Variants in WIPI1 observed in about 807,000 individuals in gnomAD.
WIPI1 encodes WD repeat domain phosphoinositide-interacting protein 1.
A neutral mutation model predicts 55.3 loss-of-function variants in WIPI1; 45 were observed. The observed-to-expected ratio is 0.81, with a 90% CI of 0.64 to 1.04. The LOEUF is 1.04. Among genes scored for constraint, WIPI1 ranks in the 50% least tolerant of loss-of-function variants. The pLI is 0.00. For missense variants in WIPI1, 445 were observed against 559.0 expected (o/e 0.80, Z 2.06); for synonymous variants, 195 against 217.6 (o/e 0.90, Z 0.92).
chr17:68,445,077 C>T (rs2084231129), intron 3 of WIPI1, among the ~76,000 whole-genome samples: 1 of 152,092 alleles, frequency 6.6e-6, no homozygotes, highest in African/African-American at 2.4e-5. Context: ...TGCACCACCA[C>T]ACCTGGCTAA....
At chr17:68,451,555 CT>C (rs1322464305) in intron 2 of WIPI1, among the ~76,000 whole-genome samples, 1 of 152,246 alleles carries the variant, frequency 6.6e-6, no homozygotes, top group African/African-American at 2.4e-5. Flanking sequence ...ACTGTTTGCT[CT>C]GTCAAACATG....
At position 68,429,905 on chromosome 17, in the gene WIPI1, T is replaced by C. The variant is rs1373563573; in HGVS notation, c.965+91A>G. 1.9e-6 allele frequency: 3 copies of C among 1,583,730 alleles called. No homozygotes were observed. The African/African-American group carries it at 4.1e-5, about 22-fold the overall frequency. ...TGCCCAGCCTGGGGCAAGTTTTCTT[T>C]TTTTCTTTTCAGGTTTGGGGATTTT... On this transcript the variant is annotated intron_variant, in intron 9 of 12. Transcript: ENST00000262139.
chr17:68,449,881 C>T (rs757520004), intron 3 of WIPI1, among the ~76,000 whole-genome samples: 8 of 152,104 alleles, frequency 5.3e-5, no homozygotes, highest in Non-Finnish European at 1.2e-4. Context: ...CGTGGTGGTG[C>T]CCACCTGTAG....
chr17:68,449,184 G>C (rs1057302220), intron 3 of WIPI1, among the ~76,000 whole-genome samples: 3 of 152,224 alleles, frequency 2.0e-5, no homozygotes, highest in Non-Finnish European at 4.4e-5. Context: ...TAATTGAATA[G>C]ATAAATCTGC....
At chr17:68,426,261 T>TAA (rs963018289) in intron 11 of WIPI1, 86 bp from the exon 12 acceptor site, 1 of 934,766 alleles carries the variant, frequency 1.1e-6, no homozygotes, top group African/African-American at 1.7e-5. Context: ...GGGGCTCAAA[T>TAA]AAAGGGCAAA....
intron 11 of WIPI1, 79 bp from the exon 12 acceptor site, chr17:68,426,254 G>GGGGCCCCC: frequency 1.2e-6 from 1 of 816,920 alleles, no homozygotes; most frequent in Non-Finnish European, 1.9e-6. Flanking sequence ...GGGAGCGGGG[G>GGGGCCCCC]CTCAAATAAA....
At chr17:68,442,255 G>T (rs1023251779) in intron 4 of WIPI1, among the ~76,000 whole-genome samples, 1 of 152,120 alleles carries the variant, frequency 6.6e-6, no homozygotes. Flanking sequence ...CTTGAGGACA[G>T]GAGTTCAAGA....
At chr17:68,457,193 T>G in intron 1 of WIPI1, 149 bp downstream of exon 1, 1 of 899,972 alleles carries the variant, frequency 1.1e-6, no homozygotes, top group Non-Finnish European at 1.6e-6. Flanking sequence ...GGTACGGGGA[T>G]AACAAGATCC....
At chr17:68,451,907 C>T (rs2084514887) in intron 2 of WIPI1, among the ~76,000 whole-genome samples, 1 of 152,178 alleles carries the variant, frequency 6.6e-6, no homozygotes. Context: ...GCCTTTCTTC[C>T]ACTTGGAAAA....
chr17:68,446,207 G>T (rs563117276), intron 3 of WIPI1, among the ~76,000 whole-genome samples: 8 of 151,626 alleles, frequency 5.3e-5, no homozygotes, highest in South Asian at 2.1e-4. Context: ...TTCAGACAGG[G>T]TCTCGTTCTG....
chr17:68,433,398 A>C lies in WIPI1; in HGVS notation c.800+70T>G, dbSNP rs1317696507. The C allele has an allele frequency of 7.5e-6, 10 of 1,329,694 alleles. No individual in the cohort carries two copies. The Admixed American group carries it at 1.7e-4, about 23-fold the overall frequency. The allele number at this position is 1,329,694 out of a possible 1,614,324, so 82.4% of individuals were successfully genotyped here. The stretch of plus-strand genomic sequence containing the variant: ...TGTTCAGAAAGAAAAGAGATCATTC[A>C]TGCCAGTAGAAGAGCCTAGGCCTGA... On this transcript the variant is annotated intron_variant, in intron 8 of 12. Coordinates refer to ENST00000262139, the MANE Select transcript of WIPI1 (RefSeq NM_017983.7).
At chr17:68,426,224 AT>A (rs1412554277) in intron 11 of WIPI1, 49 bp from the exon 12 acceptor site, 2 of 1,041,798 alleles carry the variant, frequency 1.9e-6, no homozygotes, top group Non-Finnish European at 2.8e-6. Context: ...ATCTGCTTTT[AT>A]GCCATGACCT....
chr17:68,430,183 C>T (rs532730070), intron 8 of WIPI1, 23 bp from the exon 9 acceptor site: 25 of 1,600,712 alleles, frequency 1.6e-5, no homozygotes, highest in African/African-American at 1.1e-4. Context: ...GCACAGGCAA[C>T]GATGGGACTG....
intron 10 of WIPI1, 109 bp from the exon 11 acceptor site, chr17:68,427,362 T>C (rs2083266728): frequency 1.2e-6 from 1 of 822,704 alleles, no homozygotes; most frequent in Non-Finnish European, 1.9e-6. Flanking sequence ...CTGTGGGTTA[T>C]TTATTTATTT....
chr17:68,421,686 C>A lies in WIPI1; in HGVS notation c.*87G>T. 3 of 1,588,790 alleles carry A rather than the reference C, an allele frequency of 1.9e-6. No homozygotes were observed. The highest frequency in any genetic ancestry group is 2.6e-6 in the Non-Finnish European group (3 of 1,157,700). On this transcript the variant is annotated 3_prime_UTR_variant, in exon 13 of 13. Transcript: ENST00000262139. Reference sequence around the variant, plus strand: ...ATTCCTGCCCCCCTTTCTGCTCACACAATTGCACTCCATTCTTCCGCCTTC... The same window carrying A: ...ATTCCTGCCCCCCTTTCTGCTCACAAAATTGCACTCCATTCTTCCGCCTTC...
rs1382503751 is a variant in WIPI1, at chr17:68,457,450, CG to C, written c.-30del. ...GGGCTCGGCCCGGGAAGCCGCAGCT[CG>C]GAGCCGGCGACAGCCACCTCAGCAG... On this transcript the variant is annotated 5_prime_UTR_variant, in exon 1 of 13. Transcript: ENST00000262139. 29 of 1,472,078 alleles carry C rather than the reference CG, an allele frequency of 2.0e-5. No homozygotes were observed. The highest frequency in any genetic ancestry group is 2.5e-5 in the Admixed American group (1 of 39,660). 91.2% of individuals were successfully genotyped at this position (1,472,078 alleles called of 1,614,324 possible).
chr17:68,436,466 G>A lies in WIPI1; in HGVS notation c.444C>T (p.Leu148=). 6.2e-7 allele frequency: 1 copy of A among 1,613,928 alleles called. No homozygotes were observed. Residue 148 remains leucine, a synonymous_variant, in exon 5 of 13, where the codon CTC becomes CTT. Coordinates refer to ENST00000262139, the MANE Select transcript of WIPI1 (RefSeq NM_017983.7). The stretch of plus-strand genomic sequence containing the variant: ...GGTAAGAATTGGAATGGTTGATAGA[G>A]AGAGCACATAGACCTGGCAAAGAAG... ...IPANPTGLCA[L]SINHSNSYLA... is the part of the protein sequence containing the mutation.
intron 9 of WIPI1, among the ~76,000 whole-genome samples, chr17:68,429,530 T>C (rs1235566069): frequency 6.6e-6 from 1 of 152,180 alleles, no homozygotes; most frequent in African/African-American, 2.4e-5. Context: ...TGAGAATCCG[T>C]ATTGAAGTCA....
rs367875433 is a variant in WIPI1 at position 68,436,371 on chromosome 17, C to T, written c.528+11G>A. ...AGGTGGGTTGGCTCAGCCAGGTCACCGTCAACTTACCAGGGAGTTTCCATC... is the reference window on the plus strand; with the variant it reads ...AGGTGGGTTGGCTCAGCCAGGTCACTGTCAACTTACCAGGGAGTTTCCATC... On this transcript the variant is annotated intron_variant, in intron 5 of 12. Transcript: ENST00000262139. 3.1e-5 allele frequency: 50 copies of T among 1,612,856 alleles called. No individual in the cohort carries two copies. The highest frequency in any genetic ancestry group is 4.0e-5 in the Non-Finnish European group (47 of 1,179,070).
Sources: gnomAD v4.1 joint callset for allele counts (sites outside exome capture counted in the v4.1 genomes callset) on GRCh38, gnomAD v4.1.1 for gene constraint, MANE v1.5 for transcripts, NCBI Gene and HGNC (gene_info 2026-07-23, HGNC 2026-07-21) for gene names.